Variants in CDKAL1 observed in about 807,000 individuals in gnomAD.
The protein encoded by CDKAL1 is threonylcarbamoyladenosine tRNA methylthiotransferase.
A neutral mutation model predicts 68.2 loss-of-function variants in CDKAL1; 32 were observed. The observed-to-expected ratio is 0.47, with a 90% CI of 0.35 to 0.63. The LOEUF is 0.63. CDKAL1 is among the 30% of genes least tolerant of loss of function. The pLI is 0.00. For synonymous variants in CDKAL1, 234 were observed against 244.3 expected, an observed-to-expected ratio of 0.96 and a Z score of 0.39; for missense variants, 606 against 696.7, an observed-to-expected ratio of 0.87 and a Z score of 1.47.
chr6:20,857,678 T>A (rs1017877216), intron 9 of CDKAL1, among the ~76,000 whole-genome samples: 3 of 152,190 alleles, frequency 2.0e-5, no homozygotes, highest in Non-Finnish European at 1.5e-5. Flanking sequence ...CTTCTAGAAA[T>A]GTTTGTCTAG....
At chr6:20,731,097 G>A (rs191956617) in intron 5 of CDKAL1, among the ~76,000 whole-genome samples, 1 of 152,246 alleles carries the variant, frequency 6.6e-6, no homozygotes, top group African/African-American at 2.4e-5. Context: ...GGCTGAAACA[G>A]AGTGAATGAG....
rs377231957 is a variant in CDKAL1, at chr6:20,753,000, A to G, written c.469-5595A>G. Reference sequence around the variant, plus strand: ...CCCAACGTTTTTTTTCTTTTTGGTAATAACAACTTTACTGAGATATAATTC... The same window carrying G: ...CCCAACGTTTTTTTTCTTTTTGGTAGTAACAACTTTACTGAGATATAATTC... On this transcript the variant is annotated intron_variant, in intron 6 of 15. Transcript: ENST00000274695. Among the ~76,000 whole-genome samples, 27 of 152,234 alleles carry G rather than the reference A, an allele frequency of 1.8e-4. No homozygotes were observed. In the South Asian group the frequency reaches 2.5e-3, roughly 14 times the overall value.
At chr6:21,199,255 C>T (rs1778591714) in intron 14 of CDKAL1, among the ~76,000 whole-genome samples, 1 of 152,122 alleles carries the variant, frequency 6.6e-6, no homozygotes, top group Admixed American at 6.5e-5. Context: ...CATTGACATT[C>T]CCCAGGGAAT....
chr6:20,989,685 G>T (rs1468089797), intron 10 of CDKAL1, among the ~76,000 whole-genome samples: 2 of 152,134 alleles, frequency 1.3e-5, no homozygotes, highest in African/African-American at 2.4e-5. Flanking sequence ...AAAGGCAATT[G>T]TGTGTGGATT....
chr6:20,548,856 T>A (rs1324585445), intron 4 of CDKAL1, 151 bp downstream of exon 4: 2 of 510,660 alleles, frequency 3.9e-6, no homozygotes, highest in Admixed American at 7.6e-5. Flanking sequence ...TAACCATGGA[T>A]GTCATATTTA....
intron 9 of CDKAL1, among the ~76,000 whole-genome samples, chr6:20,929,049 C>T (rs1331941739): frequency 6.6e-6 from 1 of 152,148 alleles, no homozygotes; most frequent in Non-Finnish European, 1.5e-5. Context: ...AAGTACATTA[C>T]CCGCCTCCCT....
chr6:20,807,851 T>G (rs1776638975), intron 8 of CDKAL1, among the ~76,000 whole-genome samples: 1 of 152,222 alleles, frequency 6.6e-6, no homozygotes, highest in Non-Finnish European at 1.5e-5. Flanking sequence ...AGCAACAGTT[T>G]TTTGGACTTC....
chr6:20,848,894 G>A (rs111669103), intron 9 of CDKAL1, among the ~76,000 whole-genome samples: 1,681 of 151,658 alleles, frequency 0.011, 23 homozygotes, highest in African/African-American at 0.038. Flanking sequence ...TTGGGCTCAA[G>A]CGATCCTCCT....
intron 13 of CDKAL1, among the ~76,000 whole-genome samples, chr6:21,153,235 CTT>C (rs1162272560): frequency 0.27 from 25,969 of 95,852 alleles, 2,498 homozygotes; most frequent in Non-Finnish European, 0.29. Flanking sequence ...TATGTGATTT[CTT>C]TTTTTTTTTT....
At chr6:21,047,551 G>T (rs1770312838) in intron 11 of CDKAL1, among the ~76,000 whole-genome samples, 1 of 152,134 alleles carries the variant, frequency 6.6e-6, no homozygotes, top group Admixed American at 6.5e-5. Flanking sequence ...GTTCTCCCAA[G>T]CATTTCACCT....
intron 13 of CDKAL1, among the ~76,000 whole-genome samples, chr6:21,161,774 C>T (rs1480187920): frequency 6.6e-6 from 1 of 152,110 alleles, no homozygotes; most frequent in Non-Finnish European, 1.5e-5. Flanking sequence ...TAATATAACA[C>T]ATAAAGGAAT....
Position 20,992,031 on chromosome 6 carries a change from C to CTTTT in CDKAL1, c.910-8177_910-8174dup, listed in dbSNP as rs71530401. Among the ~76,000 whole-genome samples the CTTTT allele has an allele frequency of 4.2e-3, 423 of 99,864 alleles. 1 individual carries two copies. Among genetic ancestry groups the CTTTT allele is most frequent in the African/African-American group, 5.2e-3 (121 of 23,484 alleles). The allele number at this position is 99,864 out of a possible 152,430, so 65.5% of individuals were successfully genotyped here. ...TTTCCCCCACCTTTTTTTTTCTTTT[C>CTTTT]TTTTTTTTTTTTTTTTTTTTTTGAG... is the stretch of plus-strand genomic sequence containing the variant. On this transcript the variant is annotated intron_variant, in intron 10 of 15. Transcript: ENST00000274695.
At chr6:20,579,125 G>A (rs919713654) in intron 4 of CDKAL1, among the ~76,000 whole-genome samples, 8 of 152,044 alleles carry the variant, frequency 5.3e-5, no homozygotes, top group African/African-American at 1.9e-4. Context: ...TTACGGGCCT[G>A]CACCACCATG....
chr6:20,832,351 A>G (rs1234762334), intron 8 of CDKAL1, among the ~76,000 whole-genome samples: 3 of 152,266 alleles, frequency 2.0e-5, no homozygotes, highest in East Asian at 3.9e-4. Context: ...GGGACTATCT[A>G]TTTATCTTGT....
At chr6:21,230,605 G>A (rs9460611) in intron 15 of CDKAL1, among the ~76,000 whole-genome samples, 16,370 of 152,048 alleles carry the variant, frequency 0.11, 1,882 homozygotes, top group African/African-American at 0.29. Flanking sequence ...AACACGGCCC[G>A]TCTTTCTCAT....
At chr6:20,790,689 C>T (rs1775862894) in intron 8 of CDKAL1, among the ~76,000 whole-genome samples, 1 of 152,204 alleles carries the variant, frequency 6.6e-6, no homozygotes, top group East Asian at 1.9e-4. Flanking sequence ...CATGAGCTTA[C>T]ACTGACAATT....
chr6:21,040,115 C>T (rs1769837437), intron 11 of CDKAL1, among the ~76,000 whole-genome samples: 1 of 152,208 alleles, frequency 6.6e-6, no homozygotes, highest in African/African-American at 2.4e-5. Context: ...TCAACACACG[C>T]TTGCTCTGAA....
intron 11 of CDKAL1, among the ~76,000 whole-genome samples, chr6:21,014,681 A>G (rs1768218110): frequency 6.7e-6 from 1 of 149,938 alleles, no homozygotes; most frequent in South Asian, 2.1e-4. Context: ...AATTTTTTTT[A>G]TCATATCTCT....
At chr6:21,195,686 T>G (rs1335616457) in intron 13 of CDKAL1, among the ~76,000 whole-genome samples, 1 of 151,620 alleles carries the variant, frequency 6.6e-6, no homozygotes. Flanking sequence ...AATTTCTGTA[T>G]TTTTTATAGA....
Sources: allele counts gnomAD v4.1 joint callset (sites outside exome capture counted in the v4.1 genomes callset), GRCh38; gene constraint gnomAD v4.1.1; transcripts MANE v1.5; gene names NCBI Gene and HGNC (gene_info 2026-07-23, HGNC 2026-07-21).